Variants in CRYBG1 observed in about 807,000 individuals in gnomAD.
CRYBG1 encodes crystallin beta-gamma domain containing 1.
Under a neutral mutation model 189.2 loss-of-function variants are expected in CRYBG1, and 139 were observed. The observed-to-expected ratio is 0.73, with a 90% confidence interval of 0.64 to 0.85. The LOEUF is 0.85. Among genes scored for constraint, CRYBG1 ranks in the 40% least tolerant of loss-of-function variants. The pLI, the probability that CRYBG1 is intolerant of heterozygous loss-of-function variation, is 0.00. For missense variants in CRYBG1, 2,611 were observed against 2,675.8 expected, an observed-to-expected ratio of 0.98 and a Z score of 0.53; for synonymous variants, 1,023 against 1,017.1, an observed-to-expected ratio of 1.01 and a Z score of -0.11.
At chr6:106,434,164 GA>G (rs1470683028) in intron 1 of CRYBG1, among the ~76,000 whole-genome samples, 4 of 151,782 alleles carry the variant, frequency 2.6e-5, no homozygotes, top group Admixed American at 6.6e-5. Context: ...GAGAGAGAGA[GA>G]GAGAGATTGA....
At chr6:106,527,206 C>CTATA in intron 6 of CRYBG1, 99 bp from the exon 7 acceptor site, 6 of 903,626 alleles carry the variant, frequency 6.6e-6, no homozygotes, top group Non-Finnish European at 8.0e-6. Context: ...TGCTAATATT[C>CTATA]TATATATATA....
At chr6:106,566,728 C>T (rs998437803) in intron 21 of CRYBG1, among the ~76,000 whole-genome samples, 3 of 151,970 alleles carry the variant, frequency 2.0e-5, no homozygotes, top group Non-Finnish European at 2.9e-5. Flanking sequence ...AGAGCAGCGC[C>T]GCACGTCCCA....
At chr6:106,364,139 A>G (rs922191161) in intron 1 of CRYBG1, among the ~76,000 whole-genome samples, 3 of 88,212 alleles carry the variant, frequency 3.4e-5, no homozygotes, top group African/African-American at 1.3e-4. Context: ...AGCTTGGCCA[A>G]CATAGTGAAA....
At chr6:106,398,491 C>T (rs934425524) in intron 1 of CRYBG1, among the ~76,000 whole-genome samples, 4 of 152,058 alleles carry the variant, frequency 2.6e-5, no homozygotes, top group African/African-American at 9.7e-5. Flanking sequence ...AATAAACCAA[C>T]AACCGGTGAA....
chr6:106,372,757 G>A (rs1169518833), intron 1 of CRYBG1, among the ~76,000 whole-genome samples: 2 of 152,090 alleles, frequency 1.3e-5, no homozygotes, highest in Admixed American at 1.3e-4. Flanking sequence ...ATAAGACAAG[G>A]GACATGAACA....
chr6:106,465,250 A>C (rs1772089539), intron 2 of CRYBG1, among the ~76,000 whole-genome samples: 1 of 152,234 alleles, frequency 6.6e-6, no homozygotes. Context: ...AGTGCCTGGC[A>C]TATAGAAGAC....
intron 1 of CRYBG1, among the ~76,000 whole-genome samples, chr6:106,387,704 T>C (rs567539767): frequency 2.6e-5 from 4 of 152,224 alleles, no homozygotes; most frequent in African/African-American, 9.6e-5. Flanking sequence ...GGAAATTTTG[T>C]TGTGGGGAGG....
intron 1 of CRYBG1, among the ~76,000 whole-genome samples, chr6:106,413,697 C>G (rs1770972847): frequency 6.6e-6 from 1 of 151,586 alleles, no homozygotes; most frequent in Non-Finnish European, 1.5e-5. Flanking sequence ...AAAGTGGACA[C>G]ATGTTCACTG....
intron 13 of CRYBG1, among the ~76,000 whole-genome samples, chr6:106,549,611 A>G (rs1419271184): frequency 6.7e-6 from 1 of 150,222 alleles, no homozygotes; most frequent in African/African-American, 2.4e-5. Flanking sequence ...ATAAAAAAGA[A>G]CAGGTTTTAA....
chr6:106,554,487 C>G (rs1194496590), intron 16 of CRYBG1, among the ~76,000 whole-genome samples: 2 of 152,114 alleles, frequency 1.3e-5, no homozygotes, highest in African/African-American at 2.4e-5. Context: ...GGTGACACAC[C>G]TGTAATCCCA....
chr6:106,558,718 T>C, intron 18 of CRYBG1, 93 bp downstream of exon 18: 6 of 995,078 alleles, frequency 6.0e-6, no homozygotes, highest in Non-Finnish European at 8.5e-6. Context: ...TTCCCAACAC[T>C]TTAGGAGGCC....
At chr6:106,514,857 C>T (rs538013047) in intron 3 of CRYBG1, among the ~76,000 whole-genome samples, 4 of 152,202 alleles carry the variant, frequency 2.6e-5, no homozygotes, top group African/African-American at 9.6e-5. Flanking sequence ...ACCAGACATT[C>T]AATGTATTTG....
At position 106,569,657 on chromosome 6, in the gene CRYBG1, A is replaced by C. The variant is rs1329747121; in HGVS notation, c.*1091A>C. ...TATGAGCCATCCTTACTCATCTACA[A>C]GTGCTGAAGCAATGTTACATACTTT... On this transcript the variant is annotated 3_prime_UTR_variant, in exon 22 of 22. Transcript: ENST00000633556. 6.6e-6 allele frequency: 1 copy of C among 152,178 alleles called. No homozygotes were observed. The highest frequency in any genetic ancestry group is 1.5e-5 in the Non-Finnish European group (1 of 68,034). The allele number at this position is 152,178 out of a possible 1,614,324, so 9.4% of individuals were successfully genotyped here. A position where few individuals can be genotyped will look rare whatever the true frequency, so the allele number is the denominator to read the frequency against.
chr6:106,381,180 G>T (rs1481976170), intron 1 of CRYBG1, among the ~76,000 whole-genome samples: 5 of 152,170 alleles, frequency 3.3e-5, no homozygotes, highest in African/African-American at 1.2e-4. Context: ...CAGCATAGAA[G>T]AATTTAACTA....
chr6:106,389,502 G>T (rs1770458385), intron 1 of CRYBG1, among the ~76,000 whole-genome samples: 1 of 152,046 alleles, frequency 6.6e-6, no homozygotes, highest in Non-Finnish European at 1.5e-5. Flanking sequence ...CAAAATTGAT[G>T]TATTCTTTCA....
chr6:106,376,993 A>T (rs556456224), intron 1 of CRYBG1, among the ~76,000 whole-genome samples: 4 of 152,338 alleles, frequency 2.6e-5, no homozygotes, highest in Non-Finnish European at 4.4e-5. Flanking sequence ...TGGAACAGAG[A>T]AAAAGGAGCA....
At chr6:106,395,914 A>G (rs528920651) in intron 1 of CRYBG1, among the ~76,000 whole-genome samples, 1 of 152,158 alleles carries the variant, frequency 6.6e-6, no homozygotes, top group Non-Finnish European at 1.5e-5. Context: ...GCAAATGATA[A>G]CACTTAGCTG....
rs547315871 is a variant in CRYBG1 at position 106,540,188 on chromosome 6, G to T, written c.4845+659G>T. Among the ~76,000 whole-genome samples the T allele has an allele frequency of 1.5e-3, 227 of 152,156 alleles. 1 individual carries two copies. The highest frequency in any genetic ancestry group is 5.3e-3 in the African/African-American group (220 of 41,496). The stretch of plus-strand genomic sequence containing the variant: ...TCTTGCTTTGTTCTTTGTTTCTTCC[G>T]CTAGACTGTCAGCTTTGGGAGGAAG... On this transcript the variant is annotated intron_variant, in intron 9 of 21. Coordinates refer to ENST00000633556, the MANE Select transcript of CRYBG1 (RefSeq NM_001371242.2).
At position 106,571,370 on chromosome 6, in the gene CRYBG1, C is replaced by T. The variant is rs1562126112; in HGVS notation, c.*2804C>T. On this transcript the variant is annotated 3_prime_UTR_variant, in exon 22 of 22. Transcript: ENST00000633556. ...GCTTTAAATTATCTCTTCATGCCAA[C>T]ATCCATCTATACACTGAAAGTTTTA... 6.6e-6 allele frequency: 1 copy of T among 152,234 alleles called. No homozygotes were observed. Among genetic ancestry groups the T allele is most frequent in the Non-Finnish European group, 1.5e-5 (1 of 68,060 alleles). 9.4% of individuals were successfully genotyped at this position (152,234 alleles called of 1,614,324 possible).
Sources: gnomAD v4.1 joint callset for allele counts (sites outside exome capture counted in the v4.1 genomes callset) on GRCh38, gnomAD v4.1.1 for gene constraint, MANE v1.5 for transcripts, NCBI Gene and HGNC (gene_info 2026-07-23, HGNC 2026-07-21) for gene names.